Variants in HDAC4 observed in about 807,000 individuals in gnomAD.
HDAC4 encodes the protein histone deacetylase A.
In HDAC4, 16 loss-of-function variants were observed where a neutral mutation model predicts 135.1. The observed-to-expected ratio is 0.12, with a 90% CI of 0.08 to 0.18. HDAC4 has a LOEUF of 0.18. Among genes scored for constraint, HDAC4 ranks in the 10% least tolerant of loss-of-function variants. The probability of loss-of-function intolerance (pLI) is 1.00; values close to 1 mark genes in which losing one functional copy is unlikely to be tolerated. For synonymous variants in HDAC4, 685 were observed against 653.4 expected, an observed-to-expected ratio of 1.05 and a Z score of -0.74; for missense variants, 1,143 against 1,511.8, an observed-to-expected ratio of 0.76 and a Z score of 4.05.
intron 14 of HDAC4, 105 bp downstream of exon 14, chr2:239,111,421 C>T: frequency 8.2e-7 from 1 of 1,214,732 alleles, no homozygotes; most frequent in Non-Finnish European, 1.2e-6. Flanking sequence ...CGTGCCTGCC[C>T]AGCCCCTCCT....
At chr2:239,127,841 C>G (rs996359085) in intron 11 of HDAC4, among the ~76,000 whole-genome samples, 20 of 152,236 alleles carry the variant, frequency 1.3e-4, no homozygotes, top group Non-Finnish European at 1.3e-4. Flanking sequence ...CTGTCCCTCC[C>G]CCAGGACACT....
At chr2:239,059,030 T>A (rs967088051) in intron 24 of HDAC4, among the ~76,000 whole-genome samples, 12 of 152,148 alleles carry the variant, frequency 7.9e-5, no homozygotes, top group Admixed American at 2.6e-4. Flanking sequence ...GTGCAATTTG[T>A]TAGAAATTGA....
In HDAC4 at chr2:239,205,218, G is replaced by A. The variant is rs551934823; in HGVS notation, c.95-15141C>T. 2.6e-5 allele frequency among the ~76,000 whole-genome samples: 4 copies of A among 152,306 alleles called. No individual in the cohort carries two copies. In the East Asian group the frequency reaches 7.7e-4, roughly 29 times the overall value. On this transcript the variant is annotated intron_variant, in intron 3 of 26. Coordinates refer to ENST00000543185, the MANE Select transcript of HDAC4 (RefSeq NM_001378414.1). ...AGGCAATATTTGAAGATAGATGGCT[G>A]ACAATTTTCCAGAACTGGTGGGAGA...
intron 24 of HDAC4, among the ~76,000 whole-genome samples, chr2:239,055,708 C>A (rs1336644664): frequency 1.4e-5 from 2 of 147,790 alleles, no homozygotes; most frequent in Admixed American, 6.7e-5. Flanking sequence ...CAGAGTGAGA[C>A]CCTGTCTCAA....
At chr2:239,175,122 C>A (rs1449178278) in intron 5 of HDAC4, among the ~76,000 whole-genome samples, 1 of 152,178 alleles carries the variant, frequency 6.6e-6, no homozygotes, top group Non-Finnish European at 1.5e-5. Context: ...AGGGAACAGA[C>A]AAATTTAACT....
chr2:239,131,242 C>A (rs554962568), intron 11 of HDAC4, among the ~76,000 whole-genome samples: 7 of 152,276 alleles, frequency 4.6e-5, no homozygotes, highest in Non-Finnish European at 1.0e-4. Context: ...ATGGCTCACC[C>A]CTCTGGTCTC....
chr2:239,130,329 G>T (rs2040484363), intron 11 of HDAC4, among the ~76,000 whole-genome samples: 1 of 152,196 alleles, frequency 6.6e-6, no homozygotes, highest in South Asian at 2.1e-4. Context: ...GGGACTCGCT[G>T]TTTTTTGGGG....
In HDAC4 at chr2:239,153,430, G is replaced by A. The variant is rs1030012423; in HGVS notation, c.733+3222C>T. On this transcript the variant is annotated intron_variant, in intron 7 of 26. Coordinates refer to ENST00000543185, the MANE Select transcript of HDAC4 (RefSeq NM_001378414.1). ...AACTTCATAACTAAAATTTAATGACGTGTTTCATATTACCAATTACTGCAG... is the reference window on the plus strand; with the variant it reads ...AACTTCATAACTAAAATTTAATGACATGTTTCATATTACCAATTACTGCAG... Among the ~76,000 whole-genome samples, 7 of 152,284 alleles carry A rather than the reference G, an allele frequency of 4.6e-5. 1 individual carries two copies. In the South Asian group the frequency reaches 1.0e-3, roughly 23 times the overall value.
intron 5 of HDAC4, among the ~76,000 whole-genome samples, chr2:239,176,149 T>G (rs1028394842): frequency 1.3e-5 from 2 of 151,968 alleles, no homozygotes; most frequent in African/African-American, 4.8e-5. Flanking sequence ...GCCCCTCACC[T>G]TCCGGAGTCC....
chr2:239,397,142 C>T (rs910300458), intron 1 of HDAC4, among the ~76,000 whole-genome samples: 3 of 152,270 alleles, frequency 2.0e-5, no homozygotes, highest in Non-Finnish European at 2.9e-5. Flanking sequence ...CTCTAAGAGG[C>T]TGTGTTCGCC....
chr2:239,149,144 G>A (rs768491407), intron 7 of HDAC4, among the ~76,000 whole-genome samples: 19 of 152,174 alleles, frequency 1.2e-4, no homozygotes, highest in Non-Finnish European at 2.4e-4. Context: ...GCTCATGCCT[G>A]TAATCCCAGC....
At chr2:239,377,271 C>T (rs989861114) in intron 1 of HDAC4, among the ~76,000 whole-genome samples, 13 of 152,212 alleles carry the variant, frequency 8.5e-5, no homozygotes, top group East Asian at 1.9e-4. Flanking sequence ...GTCCACTAAC[C>T]GAAGCCACTG....
intron 4 of HDAC4, among the ~76,000 whole-genome samples, chr2:239,183,402 G>C (rs901682840): frequency 1.3e-5 from 2 of 152,254 alleles, no homozygotes; most frequent in African/African-American, 4.8e-5. Flanking sequence ...GCATAAAGCG[G>C]CAGGGGCCAG....
chr2:239,360,369 G>C (rs953808992), intron 1 of HDAC4, among the ~76,000 whole-genome samples: 1 of 152,248 alleles, frequency 6.6e-6, no homozygotes, highest in Admixed American at 6.5e-5. Flanking sequence ...GACTGAGTCA[G>C]CAGCCATGAT....
chr2:239,289,384 G>A (rs1410161391), intron 2 of HDAC4, among the ~76,000 whole-genome samples: 3 of 152,060 alleles, frequency 2.0e-5, no homozygotes, highest in Non-Finnish European at 4.4e-5. Flanking sequence ...TGTCTTAGTC[G>A]AGGTGTCATT....
intron 2 of HDAC4, among the ~76,000 whole-genome samples, chr2:239,311,566 T>C (rs1575675343): frequency 6.6e-6 from 1 of 152,250 alleles, no homozygotes; most frequent in East Asian, 1.9e-4. Context: ...TTTGTAGGAA[T>C]GGAGGCCGCT....
rs1325346442 is a variant in HDAC4, at chr2:239,308,862, C to T, written c.22+43816G>A. On this transcript the variant is annotated intron_variant, in intron 2 of 26. Coordinates refer to ENST00000543185, the MANE Select transcript of HDAC4 (RefSeq NM_001378414.1). The surrounding 1 kb of genome is among the most constrained non-coding windows in gnomAD (Gnocchi z 4.2). The stretch of plus-strand genomic sequence containing the variant: ...GGGCAAGGCTGTCACAGGCGAAAGA[C>T]GGGTTCCCCTTCCTCTACACCCAAG... Among the ~76,000 whole-genome samples, 1 of 152,128 alleles carries T rather than the reference C, an allele frequency of 6.6e-6. No homozygotes were observed. Among genetic ancestry groups the T allele is most frequent in the African/African-American group, 2.4e-5 (1 of 41,424 alleles).
intron 1 of HDAC4, among the ~76,000 whole-genome samples, chr2:239,386,822 G>A (rs775453031): frequency 6.6e-6 from 1 of 152,222 alleles, no homozygotes; most frequent in Non-Finnish European, 1.5e-5. Context: ...GGTCTCCCTG[G>A]AGAGAAGAGA....
intron 15 of HDAC4, among the ~76,000 whole-genome samples, chr2:239,107,479 G>A (rs1416770934): frequency 2.6e-5 from 4 of 152,246 alleles, no homozygotes; most frequent in African/African-American, 9.6e-5. Flanking sequence ...AACCAGGCCA[G>A]GGCCCTGCCT....
Sources: allele counts gnomAD v4.1 joint callset (sites outside exome capture counted in the v4.1 genomes callset), GRCh38; gene constraint gnomAD v4.1.1; non-coding constraint Gnocchi (gnomAD v3.1); transcripts MANE v1.5; gene names NCBI Gene and HGNC (gene_info 2026-07-23, HGNC 2026-07-21).